Variants in KLF12 observed in about 807,000 individuals in gnomAD.
KLF12 encodes the protein KLF transcription factor 12, also known as Krueppel-like factor 12.
Under a neutral mutation model 37.8 loss-of-function variants are expected in KLF12, and 9 were observed. That is an observed-to-expected ratio of 0.24 (90% CI 0.14 to 0.42). KLF12 has a LOEUF of 0.42. Ranked by LOEUF, KLF12 falls within the 10% of genes least tolerant of loss-of-function variation. KLF12 has a pLI of 1.00. For synonymous variants in KLF12, 208 were observed against 202.1 expected, an observed-to-expected ratio of 1.03 and a Z score of -0.25; for missense variants, 411 against 516.0, an observed-to-expected ratio of 0.80 and a Z score of 1.97.
chr13:74,163,263 C>G, the KLF12 span, among the ~76,000 whole-genome samples: 1 of 152,078 alleles, frequency 6.6e-6, no homozygotes, highest in Non-Finnish European at 1.5e-5. Context: ...ATCAGTATAT[C>G]AAAGAGATAT....
chr13:73,725,570 T>A (rs898908598), intron 6 of KLF12, among the ~76,000 whole-genome samples: 2 of 151,472 alleles, frequency 1.3e-5, no homozygotes, highest in African/African-American at 4.9e-5. Context: ...AGTTCTGTGA[T>A]CAATAAGCTC....
At chr13:73,757,086 C>T (rs1291887915) in intron 6 of KLF12, among the ~76,000 whole-genome samples, 1 of 152,172 alleles carries the variant, frequency 6.6e-6, no homozygotes, top group Non-Finnish European at 1.5e-5. Flanking sequence ...GCCCTGACTT[C>T]ACCTACACAA....
chr13:73,704,546 A>C (rs573680431), intron 7 of KLF12, among the ~76,000 whole-genome samples: 1 of 152,170 alleles, frequency 6.6e-6, no homozygotes, highest in East Asian at 1.9e-4. Flanking sequence ...GTGGTGGTCT[A>C]CCTTGCTTTA....
the KLF12 span, among the ~76,000 whole-genome samples, chr13:74,246,700 G>A: frequency 6.6e-6 from 1 of 152,228 alleles, no homozygotes; most frequent in Non-Finnish European, 1.5e-5. Context: ...GTTTCCATCA[G>A]AAATCCAAGT....
chr13:74,296,540 A>G, the KLF12 span, among the ~76,000 whole-genome samples: 3 of 152,224 alleles, frequency 2.0e-5, no homozygotes, highest in Non-Finnish European at 4.4e-5. Context: ...ATAACTAATG[A>G]ACTGTAAAAT....
At chr13:74,145,060 G>GT in the KLF12 span, among the ~76,000 whole-genome samples, 1 of 151,954 alleles carries the variant, frequency 6.6e-6, no homozygotes, top group Non-Finnish European at 1.5e-5. Flanking sequence ...TCTAGAAGCA[G>GT]TTTTTTTCAC....
Position 73,918,605 on chromosome 13 carries a change from T to A in KLF12, c.123+25376A>T, listed in dbSNP as rs1024541630. On this transcript the variant is annotated intron_variant, in intron 3 of 7. Transcript: ENST00000377669. ...GTGAGCTAGATATAACCCAAACTCA[T>A]TGAGACTCAAGCTCTTTACCCAATA... Among the ~76,000 whole-genome samples, 7 of 152,316 alleles carry A rather than the reference T, an allele frequency of 4.6e-5. No homozygotes were observed. In the East Asian group the frequency reaches 1.3e-3, roughly 29 times the overall value.
chr13:73,899,218 G>A (rs927544950), intron 3 of KLF12, among the ~76,000 whole-genome samples: 14 of 152,182 alleles, frequency 9.2e-5, no homozygotes, highest in Admixed American at 5.2e-4. Flanking sequence ...ATAAAAGCAA[G>A]CATGATCTAT....
chr13:73,871,813 AT>A (rs1348878184), intron 3 of KLF12, among the ~76,000 whole-genome samples: 1 of 151,992 alleles, frequency 6.6e-6, no homozygotes, highest in Non-Finnish European at 1.5e-5. Flanking sequence ...ATCCATCCAA[AT>A]TTTTCCACTT....
At chr13:73,742,479 G>A (rs928275498) in intron 6 of KLF12, among the ~76,000 whole-genome samples, 1 of 152,130 alleles carries the variant, frequency 6.6e-6, no homozygotes, top group African/African-American at 2.4e-5. Context: ...GCAATTTAAT[G>A]TTGGCTAGAT....
At chr13:73,827,788 C>T (rs1360796559) in intron 4 of KLF12, among the ~76,000 whole-genome samples, 1 of 152,146 alleles carries the variant, frequency 6.6e-6, no homozygotes, top group Non-Finnish European at 1.5e-5. Flanking sequence ...GTCTCAAATT[C>T]CTGACCTAAA....
chr13:73,816,435 C>A (rs1883224455), intron 4 of KLF12, among the ~76,000 whole-genome samples: 1 of 152,152 alleles, frequency 6.6e-6, no homozygotes, highest in Admixed American at 6.5e-5. Context: ...TTTGGGTAAC[C>A]CAGCTCACTG....
At chr13:73,975,723 A>G (rs1891497234) in intron 2 of KLF12, among the ~76,000 whole-genome samples, 1 of 151,950 alleles carries the variant, frequency 6.6e-6, no homozygotes, top group Admixed American at 6.6e-5. Flanking sequence ...CTCAAATCCA[A>G]TCAGTCTTTC....
intron 1 of KLF12, among the ~76,000 whole-genome samples, chr13:74,034,227 G>T (rs910065144): frequency 2.7e-5 from 4 of 147,958 alleles, no homozygotes; most frequent in African/African-American, 1.0e-4. Flanking sequence ...CATGCCTGGC[G>T]AATTTTTTGT....
chr13:74,039,237 A>AT (rs1342135234), intron 1 of KLF12, among the ~76,000 whole-genome samples: 1 of 152,210 alleles, frequency 6.6e-6, no homozygotes, highest in Non-Finnish European at 1.5e-5. Flanking sequence ...AAAATGCTAC[A>AT]TTAAGACAAT....
intron 5 of KLF12, among the ~76,000 whole-genome samples, chr13:73,775,855 G>A (rs539078940): frequency 6.6e-6 from 1 of 152,168 alleles, no homozygotes; most frequent in Non-Finnish European, 1.5e-5. Flanking sequence ...ATATAATACA[G>A]ACATTCTGTC....
chr13:74,080,684 C>G (rs957802559), intron 1 of KLF12, among the ~76,000 whole-genome samples: 1 of 152,172 alleles, frequency 6.6e-6, no homozygotes, highest in African/African-American at 2.4e-5. Context: ...AGAGATCTAT[C>G]AATTCCATTA....
intron 2 of KLF12, among the ~76,000 whole-genome samples, chr13:73,956,202 A>G (rs1417198175): frequency 6.6e-6 from 1 of 152,224 alleles, no homozygotes; most frequent in Non-Finnish European, 1.5e-5. Flanking sequence ...AATAAGCATG[A>G]CCCATAAAAA....
chr13:74,267,409 A>G, the KLF12 span, among the ~76,000 whole-genome samples: 2 of 152,230 alleles, frequency 1.3e-5, no homozygotes, highest in Non-Finnish European at 2.9e-5. Context: ...AGCCACAAAA[A>G]AGAAAACCCT....
Sources: gnomAD v4.1 joint callset for allele counts (sites outside exome capture counted in the v4.1 genomes callset) on GRCh38, gnomAD v4.1.1 for gene constraint, MANE v1.5 for transcripts, NCBI Gene and HGNC (gene_info 2026-07-23, HGNC 2026-07-21) for gene names.